The following MPDZ variants were observed in gnomAD, a reference collection of about 807,000 sequenced individuals.
MPDZ encodes the protein multiple PDZ domain protein.
Under a neutral mutation model 239.1 loss-of-function variants are expected in MPDZ, and 234 were observed. The observed-to-expected ratio is 0.98, with a 90% CI of 0.88 to 1.09. The LOEUF is 1.09. Among genes scored for constraint, MPDZ ranks in the 50% least tolerant of loss-of-function variants. The pLI is 0.00. For synonymous variants in MPDZ, 1,048 were observed against 881.3 expected (o/e 1.19, Z -3.35); for missense variants, 3,175 against 2,510.0 (o/e 1.26, Z -5.66).
chr9:13,159,120 AT>A (rs1369892666), intron 23 of MPDZ, among the ~76,000 whole-genome samples: 1 of 152,178 alleles, frequency 6.6e-6, no homozygotes, highest in Non-Finnish European at 1.5e-5. Context: ...CTGATATAAT[AT>A]GTTGAATTAA....
intron 12 of MPDZ, among the ~76,000 whole-genome samples, chr9:13,197,159 CTA>C (rs151292901): frequency 8.1e-5 from 12 of 148,238 alleles, no homozygotes; most frequent in African/African-American, 9.8e-5. Context: ...AAACAATAAA[CTA>C]TATATATATA....
At chr9:13,109,812 A>G (rs907365247) in intron 45 of MPDZ, 140 bp downstream of exon 45, 3 of 670,994 alleles carry the variant, frequency 4.5e-6, no homozygotes, top group African/African-American at 1.8e-5. Context: ...GAAGCACCTG[A>G]TATGTATAAT....
intron 39 of MPDZ, among the ~76,000 whole-genome samples, chr9:13,116,020 T>A (rs1002985503): frequency 4.0e-5 from 6 of 151,824 alleles, no homozygotes; most frequent in African/African-American, 1.5e-4. Flanking sequence ...CAACTTGTTT[T>A]GCCCTCAGTG....
At chr9:13,232,879 A>C (rs1205053975) in intron 3 of MPDZ, among the ~76,000 whole-genome samples, 5 of 151,366 alleles carry the variant, frequency 3.3e-5, no homozygotes, top group African/African-American at 1.2e-4. Flanking sequence ...AAAAAAAAAA[A>C]AAACCAGGAA....
intron 12 of MPDZ, among the ~76,000 whole-genome samples, chr9:13,200,066 A>T (rs1956195349): frequency 6.6e-6 from 1 of 151,958 alleles, no homozygotes; most frequent in Admixed American, 6.6e-5. Context: ...TCTGCAGTGA[A>T]GTTTAAGTCC....
Position 13,110,748 on chromosome 9 carries a change from G to T in MPDZ, c.5725-8C>A, listed in dbSNP as rs1375136486. ...GACAATCCTATCCCCAACCTGCAAG[G>T]GAGAGAAAGAAACAGCCATCTGCTA... On this transcript the variant is annotated splice_region_variant and splice_polypyrimidine_tract_variant and intron_variant, in intron 43 of 46. Coordinates refer to ENST00000319217, the MANE Select transcript of MPDZ (RefSeq NM_001378778.1). The T allele has an allele frequency of 6.2e-7, 1 of 1,607,534 alleles. No individual in the cohort carries two copies. Among genetic ancestry groups the T allele is most frequent in the Non-Finnish European group, 8.5e-7 (1 of 1,176,026 alleles).
intron 3 of MPDZ, among the ~76,000 whole-genome samples, chr9:13,233,893 T>C (rs1457292522): frequency 1.3e-5 from 2 of 152,148 alleles, no homozygotes; most frequent in Non-Finnish European, 2.9e-5. Flanking sequence ...CTGTGATGTG[T>C]GGCCCTCCAC....
intron 17 of MPDZ, 93 bp from the exon 18 acceptor site, chr9:13,186,479 G>A (rs769740291): frequency 4.3e-5 from 36 of 839,608 alleles, no homozygotes; most frequent in Non-Finnish European, 5.0e-5. Context: ...AAAGTGAGGG[G>A]GGCGAGAAGA....
At chr9:13,250,181 CT>C in intron 2 of MPDZ, 118 bp downstream of exon 2, 1 of 922,626 alleles carries the variant, frequency 1.1e-6, no homozygotes, top group Non-Finnish European at 1.6e-6. Context: ...TAGGTAAAAA[CT>C]TTTTAAATCT....
chr9:13,115,217 C>G, intron 40 of MPDZ, 31 bp downstream of exon 40: 1 of 1,582,360 alleles, frequency 6.3e-7, no homozygotes, highest in Non-Finnish European at 8.7e-7. Flanking sequence ...ATGCCGATTG[C>G]ATCGCCCTGA....
chr9:13,138,589 T>C (rs1268334099), intron 28 of MPDZ, among the ~76,000 whole-genome samples: 6 of 152,206 alleles, frequency 3.9e-5, no homozygotes, highest in African/African-American at 1.4e-4. Flanking sequence ...GTTGGGCAGT[T>C]GCTTGATAGA....
chr9:13,159,077 T>C (rs1950160695), intron 23 of MPDZ, among the ~76,000 whole-genome samples: 1 of 152,150 alleles, frequency 6.6e-6, no homozygotes, highest in Non-Finnish European at 1.5e-5. Context: ...ATTACAGCCA[T>C]TCTCCCCTGA....
intron 23 of MPDZ, among the ~76,000 whole-genome samples, chr9:13,159,618 G>A (rs1177255858): frequency 1.3e-5 from 2 of 152,136 alleles, no homozygotes; most frequent in African/African-American, 2.4e-5. Context: ...AATATTCAGT[G>A]ACAGGCAGGG....
chr9:13,243,101 G>A (rs1303507611), intron 3 of MPDZ, among the ~76,000 whole-genome samples: 1 of 152,026 alleles, frequency 6.6e-6, no homozygotes, highest in Non-Finnish European at 1.5e-5. Context: ...TCCACTGTGA[G>A]GTTTTCTTCT....
intron 34 of MPDZ, among the ~76,000 whole-genome samples, chr9:13,125,935 T>C (rs1945045285): frequency 6.6e-6 from 1 of 152,234 alleles, no homozygotes; most frequent in East Asian, 1.9e-4. Flanking sequence ...AGCTTCTTAC[T>C]GTACAATGAA....
At position 13,136,103 on chromosome 9, in the gene MPDZ, GAAGATTT is replaced by G. The variant is rs748176731; in HGVS notation, c.4365_4371del (p.Glu1455AspfsTer52). ...TAAGTTACATATACCTCCTTATTTT[GAAGATTT>G]TCTGAGTTAGAAGGCAAAGGTTCTA... On this transcript the variant is annotated frameshift_variant, in exon 31 of 47. Coordinates refer to ENST00000319217, the MANE Select transcript of MPDZ (RefSeq NM_001378778.1). LOFTEE classifies it high-confidence loss of function. The G allele has an allele frequency of 6.2e-7, 1 of 1,607,052 alleles. No homozygotes were observed. Among genetic ancestry groups the G allele is most frequent in the South Asian group, 1.1e-5 (1 of 90,596 alleles).
intron 46 of MPDZ, 73 bp from the exon 47 acceptor site, chr9:13,107,184 C>T: frequency 6.9e-7 from 1 of 1,458,604 alleles, no homozygotes; most frequent in Non-Finnish European, 9.2e-7. Context: ...AAAAAGATCT[C>T]AACAGGAATG....
intron 30 of MPDZ, 67 bp from the exon 31 acceptor site, chr9:13,136,249 G>C (rs1946725851): frequency 2.9e-6 from 3 of 1,031,230 alleles, no homozygotes; most frequent in African/African-American, 1.7e-5. Context: ...TACTTCAAGA[G>C]TCAGAAGGTT....
chr9:13,186,418 A>G, intron 17 of MPDZ, 32 bp from the exon 18 acceptor site: 1 of 1,398,318 alleles, frequency 7.2e-7, no homozygotes, highest in Non-Finnish European at 9.9e-7. Flanking sequence ...CATGGAAAAG[A>G]GAGAGAACAG....
Sources: gnomAD v4.1 joint callset for allele counts (sites outside exome capture counted in the v4.1 genomes callset) on GRCh38, gnomAD v4.1.1 for gene constraint, MANE v1.5 for transcripts, NCBI Gene and HGNC (gene_info 2026-07-23, HGNC 2026-07-21) for gene names.